DYNC1H1: variants seen among roughly 807,000 people sequenced by gnomAD.
DYNC1H1 encodes dynein cytoplasmic 1 heavy chain 1.
In DYNC1H1, 51 loss-of-function variants were observed where a neutral mutation model predicts 527.1. The ratio of observed to expected loss-of-function variants is 0.10; its 90% CI spans 0.08 to 0.12. The LOEUF is 0.12. DYNC1H1 is among the 10% of genes least tolerant of loss of function. The probability of loss-of-function intolerance (pLI) is 1.00; values close to 1 mark genes in which losing one functional copy is unlikely to be tolerated. For missense variants in DYNC1H1, 2,771 were observed against 5,971.8 expected, an observed-to-expected ratio of 0.46 and a Z score of 17.66; for synonymous variants, 2,189 against 2,278.8, an observed-to-expected ratio of 0.96 and a Z score of 1.12.
At position 101,990,924 on chromosome 14, in the gene DYNC1H1, G is replaced by A. The variant is rs904659629; in HGVS notation, c.2869-603G>A. The stretch of plus-strand genomic sequence containing the variant: ...CTCGGGAGGCTGAGACAGGAGAATC[G>A]CTTGAACTCGGGAGGTGGAGATTGC... On this transcript the variant is annotated intron_variant, in intron 10 of 77. Coordinates refer to ENST00000360184, the MANE Select transcript of DYNC1H1 (RefSeq NM_001376.5). 2.6e-5 allele frequency among the ~76,000 whole-genome samples: 4 copies of A among 151,294 alleles called. No homozygotes were observed. The East Asian group carries it at 5.8e-4, about 22-fold the overall frequency.
intron 9 of DYNC1H1, 122 bp downstream of exon 9, chr14:101,987,754 C>A: frequency 8.6e-7 from 1 of 1,156,558 alleles, no homozygotes; most frequent in Non-Finnish European, 1.3e-6. Context: ...TTCAATTCCC[C>A]TCCAAAATCT....
chr14:101,986,676 A>G lies in DYNC1H1; in HGVS notation c.2451A>G (p.Ala817=). ...GLKKEVQALI[A]EGIALVWESY... is the part of the protein sequence containing the mutation. The stretch of plus-strand genomic sequence containing the variant: ...AAAAGGAAGTGCAGGCCCTGATCGC[A>G]GAAGGCATTGCGTTGGTGTGGGAGT... The change falls in exon 8 of 78, where the codon GCA becomes GCG. Residue 817 remains alanine, a synonymous_variant. Coordinates refer to ENST00000360184, the MANE Select transcript of DYNC1H1 (RefSeq NM_001376.5). The surrounding 1 kb of genome is among the most constrained non-coding windows in gnomAD (Gnocchi z 8.7). 6.2e-7 allele frequency: 1 copy of G among 1,614,164 alleles called. No individual in the cohort carries two copies. Among genetic ancestry groups the G allele is most frequent in the Non-Finnish European group, 8.5e-7 (1 of 1,179,976 alleles).
Position 101,989,266 on chromosome 14 carries a change from C to G in DYNC1H1, c.2868+414C>G, listed in dbSNP as rs556699342. ...TTACCATTCATGCAATAAATTATTT[C>G]AAGAACTGCATGTAATCCACCAGAA... On this transcript the variant is annotated intron_variant, in intron 10 of 77. Transcript: ENST00000360184. Among the ~76,000 whole-genome samples, 5 of 152,346 alleles carry G rather than the reference C, an allele frequency of 3.3e-5. No individual in the cohort carries two copies. In the East Asian group the frequency reaches 7.7e-4, roughly 23 times the overall value.
rs190495300 is a variant in DYNC1H1 at position 102,017,510 on chromosome 14, A to G, written c.8177+6A>G. ...AGAAAGCCCCTCTCACACAGGTAAAACAGCTCGGTAGACTGCTCTGCTTCA... is the reference window on the plus strand; with the variant it reads ...AGAAAGCCCCTCTCACACAGGTAAAGCAGCTCGGTAGACTGCTCTGCTTCA... On this transcript the variant is annotated splice_donor_region_variant and intron_variant, in intron 40 of 77. Transcript: ENST00000360184. This position sits in a 1 kb window ranked among gnomAD's most constrained non-coding sequence, Gnocchi z 4.6. 14 of 1,613,840 alleles carry G rather than the reference A, an allele frequency of 8.7e-6. No homozygotes were observed. In the East Asian group the frequency reaches 2.7e-4, roughly 31 times the overall value.
In DYNC1H1 at chr14:102,001,248, C is replaced by A. The variant is rs1171366952; in HGVS notation, c.4289C>A (p.Thr1430Asn). 1.9e-6 allele frequency: 3 copies of A among 1,614,180 alleles called. No individual in the cohort carries two copies. Among genetic ancestry groups the A allele is most frequent in the Admixed American group, 1.7e-5 (1 of 60,020 alleles). Reference sequence around the variant, plus strand: ...GTTAATTGGGTTGTTTCTGAGCTAACCCTTGGCCAAATCTGGGATGTTGAC... The same window carrying A: ...GTTAATTGGGTTGTTTCTGAGCTAAACCTTGGCCAAATCTGGGATGTTGAC... ...LHVNWVVSELTLGQIWDVDLQ... is the reference protein window; with the variant it reads ...LHVNWVVSELNLGQIWDVDLQ... Residue 1430 changes from threonine to asparagine, a missense_variant, in exon 20 of 78, where the codon ACC becomes AAC. Thr to Asn is a moderately conservative substitution (Grantham distance 65). Transcript: ENST00000360184. The surrounding 1 kb of genome is among the most constrained non-coding windows in gnomAD (Gnocchi z 5.0).
chr14:101,976,324 C>T (rs978391673), intron 2 of DYNC1H1, among the ~76,000 whole-genome samples: 7 of 151,422 alleles, frequency 4.6e-5, no homozygotes, highest in African/African-American at 1.2e-4. Context: ...GGGCAGATCA[C>T]GTGAAGTTGG....
chr14:102,023,012 CA>C (rs1481915782), intron 43 of DYNC1H1, 132 bp downstream of exon 43: 38 of 1,437,988 alleles, frequency 2.6e-5, no homozygotes, highest in Non-Finnish European at 3.4e-5. Flanking sequence ...CCTGTAATCC[CA>C]GCACTTTGGG....
In DYNC1H1 at chr14:102,039,899, G is replaced by A. The variant is rs1320164098; in HGVS notation, c.11690+167G>A. On this transcript the variant is annotated intron_variant, in intron 62 of 77. Transcript: ENST00000360184. This position sits in a 1 kb window ranked among gnomAD's most constrained non-coding sequence, Gnocchi z 7.0. ...GTTGCCTAGGCTGGAGTGCCGTGGT[G>A]TAATCTCACCTCACTGCAACCTCCA... is the stretch of plus-strand genomic sequence containing the variant. Among the ~76,000 whole-genome samples, 2 of 152,142 alleles carry A rather than the reference G, an allele frequency of 1.3e-5. No homozygotes were observed. The highest frequency in any genetic ancestry group is 4.8e-5 in the African/African-American group (2 of 41,420).
Position 102,033,505 on chromosome 14 carries a change from C to A in DYNC1H1, c.10413+21C>A, listed in dbSNP as rs768517160. 3 of 1,613,372 alleles carry A rather than the reference C, an allele frequency of 1.9e-6. No individual in the cohort carries two copies. The South Asian group carries it at 3.3e-5, about 18-fold the overall frequency. ...CAAAAGTAAGATTATCATCATTGAT[C>A]CTCAGCCTTTCCTGCTGTGGAAGCA... On this transcript the variant is annotated intron_variant, in intron 54 of 77. Transcript: ENST00000360184. This position sits in a 1 kb window ranked among gnomAD's most constrained non-coding sequence, Gnocchi z 5.6.
chr14:101,988,621 A>G, intron 9 of DYNC1H1, 82 bp from the exon 10 acceptor site: 1 of 1,586,040 alleles, frequency 6.3e-7, no homozygotes, highest in Non-Finnish European at 8.6e-7. Context: ...TTTATCTGAA[A>G]CACCTACCAC....
intron 1 of DYNC1H1, among the ~76,000 whole-genome samples, chr14:101,966,097 GCTT>G: frequency 6.6e-6 from 1 of 152,298 alleles, no homozygotes; most frequent in East Asian, 1.9e-4. Flanking sequence ...TTGCCAACAA[GCTT>G]CTTAAAATTT....
At position 102,016,317 on chromosome 14, in the gene DYNC1H1, T is replaced by C. The variant is rs776015143; in HGVS notation, c.7474-32T>C. 6.2e-7 allele frequency: 1 copy of C among 1,613,812 alleles called. No individual in the cohort carries two copies. On this transcript the variant is annotated intron_variant, in intron 36 of 77. Transcript: ENST00000360184. This position sits in a 1 kb window ranked among gnomAD's most constrained non-coding sequence, Gnocchi z 7.3. ...TCTTTCTTTTGTTGTTGAAATTTTATAAAAATCAAAGTTTAATTCCCTTTT... is the reference window on the plus strand; with the variant it reads ...TCTTTCTTTTGTTGTTGAAATTTTACAAAAATCAAAGTTTAATTCCCTTTT...
chr14:102,006,682 C>A (rs1220036651), intron 27 of DYNC1H1, among the ~76,000 whole-genome samples: 1 of 151,076 alleles, frequency 6.6e-6, no homozygotes, highest in East Asian at 1.9e-4. Flanking sequence ...CTCATTGCAA[C>A]CTCTGCCTCC....
chr14:101,970,476 T>G (rs1020872158), intron 1 of DYNC1H1, among the ~76,000 whole-genome samples: 27 of 115,454 alleles, frequency 2.3e-4, no homozygotes, highest in Middle Eastern at 3.9e-3. Flanking sequence ...TGTTGTTGTT[T>G]TTTTTTTTTT....
Position 102,050,150 on chromosome 14 carries a change from G to T in DYNC1H1, c.13764G>T (p.Thr4588=). Residue 4588 remains threonine, a synonymous_variant, in exon 77 of 78, where the codon ACG becomes ACT. Coordinates refer to ENST00000360184, the MANE Select transcript of DYNC1H1 (RefSeq NM_001376.5). ...SNAISTALPL[T]QLRWVKQTNT... ...CCATCTCAACCGCCCTTCCCCTGAC[G>T]CAGCTGCGCTGGGTCAAGCAGACAA... 6.2e-7 allele frequency: 1 copy of T among 1,612,916 alleles called. No homozygotes were observed. The highest frequency in any genetic ancestry group is 8.5e-7 in the Non-Finnish European group (1 of 1,179,806).
chr14:102,025,931 C>T (rs544827447), intron 43 of DYNC1H1, among the ~76,000 whole-genome samples: 15 of 152,174 alleles, frequency 9.9e-5, no homozygotes, highest in Non-Finnish European at 1.0e-4. Flanking sequence ...TCCTGGCCAA[C>T]GTGGTGAAAC....
intron 7 of DYNC1H1, among the ~76,000 whole-genome samples, chr14:101,984,450 A>ATTTTTTT (rs34383305): frequency 2.9e-5 from 2 of 69,968 alleles, no homozygotes; most frequent in African/African-American, 1.3e-4. Flanking sequence ...TATATATTAT[A>ATTTTTTT]TTTTTTTTTT....
chr14:101,984,344 C>T (rs1392883619), intron 7 of DYNC1H1, among the ~76,000 whole-genome samples: 2 of 141,116 alleles, frequency 1.4e-5, no homozygotes, highest in African/African-American at 5.4e-5. Context: ...TTTCTGTTGT[C>T]TTTAAGATCT....
At position 102,044,951 on chromosome 14, in the gene DYNC1H1, G is replaced by C. The variant is rs569305121; in HGVS notation, c.13006+253G>C. 3.1e-4 allele frequency: 173 copies of C among 559,578 alleles called. 1 individual carries two copies. Among genetic ancestry groups the C allele is most frequent in the African/African-American group, 2.9e-3 (153 of 53,056 alleles). 34.7% of individuals were successfully genotyped at this position (559,578 alleles called of 1,614,324 possible). ...GCATCAACTCAGTTCTAGAGAAAAG[G>C]CTTGATATTTATGTAAATGAGCCTA... On this transcript the variant is annotated intron_variant, in intron 72 of 77. Transcript: ENST00000360184. This position sits in a 1 kb window ranked among gnomAD's most constrained non-coding sequence, Gnocchi z 7.1.
Sources: gnomAD v4.1 joint callset for allele counts (sites outside exome capture counted in the v4.1 genomes callset) on GRCh38, gnomAD v4.1.1 for gene constraint, Gnocchi (gnomAD v3.1) non-coding constraint, MANE v1.5 for transcripts, NCBI Gene and HGNC (gene_info 2026-07-23, HGNC 2026-07-21) for gene names.